Variants in ANKRD66 observed in about 807,000 individuals in gnomAD.
The protein encoded by ANKRD66 is ankyrin repeat domain 66, also known as ankyrin repeat domain-containing protein 66.
A neutral mutation model predicts 10.9 loss-of-function variants in ANKRD66; 10 were observed. That is an observed-to-expected ratio of 0.91 (90% confidence interval 0.56 to 1.55). The LOEUF is 1.55. Ranked by LOEUF, ANKRD66 falls within the 40% of genes most tolerant of loss-of-function variation. The pLI is 0.00. For missense variants in ANKRD66, 252 were observed against 242.9 expected (o/e 1.04, Z -0.25); for synonymous variants, 85 against 88.4 (o/e 0.96, Z 0.22).
At position 46,746,934 on chromosome 6, in the gene ANKRD66, C is replaced by G; in HGVS notation, c.-153C>G. ...CAGTTTCCATGGCATGGACACAACACTCCGGATGGTTAGGACTGCCTGTCA... is the reference window on the plus strand; with the variant it reads ...CAGTTTCCATGGCATGGACACAACAGTCCGGATGGTTAGGACTGCCTGTCA... On this transcript the variant is annotated 5_prime_UTR_variant, in exon 1 of 5. Coordinates refer to ENST00000565422, the MANE Select transcript of ANKRD66 (RefSeq NM_001162435.3). The G allele has an allele frequency of 6.5e-7, 1 of 1,535,540 alleles. No homozygotes were observed. Among genetic ancestry groups the G allele is most frequent in the Non-Finnish European group, 8.7e-7 (1 of 1,146,826 alleles).
intron 3 of ANKRD66, 85 bp from the exon 4 acceptor site, chr6:46,753,637 T>C: frequency 7.6e-7 from 1 of 1,307,260 alleles, no homozygotes. Context: ...CCCCTTCTAT[T>C]GTGTTACCTA....
At chr6:46,748,127 T>C (rs1425736676) in intron 1 of ANKRD66, among the ~76,000 whole-genome samples, 1 of 152,222 alleles carries the variant, frequency 6.6e-6, no homozygotes, top group Non-Finnish European at 1.5e-5. Flanking sequence ...TGTCTCAGCA[T>C]CATTTATTGA....
In ANKRD66 at chr6:46,758,877, C is replaced by G. The variant is rs533747983; in HGVS notation, c.547C>G (p.Arg183Gly). 6.4e-7 allele frequency: 1 copy of G among 1,551,440 alleles called. No homozygotes were observed. The highest frequency in any genetic ancestry group is 1.2e-5 in the South Asian group (1 of 84,030). Residue 183 changes from arginine (R) to glycine (G), a missense_variant, in exon 5 of 5, where the codon CGA (arginine) becomes GGA (glycine). Coordinates refer to ENST00000565422, the MANE Select transcript of ANKRD66 (RefSeq NM_001162435.3). The part of the protein sequence containing the change: ...QNMNKKNKKS[R>G]GPTRPSNTKG... ...CATGAATAAAAAGAATAAGAAAAGT[C>G]GAGGCCCCACCAGGCCCAGCAATAC... is the stretch of plus-strand genomic sequence containing the variant.
At chr6:46,751,492 T>C (rs1407346643) in intron 2 of ANKRD66, among the ~76,000 whole-genome samples, 3 of 151,632 alleles carry the variant, frequency 2.0e-5, no homozygotes, top group African/African-American at 7.3e-5. Context: ...TCCAATATAA[T>C]TTTTTTTTGC....
chr6:46,753,623 G>C, intron 3 of ANKRD66, 99 bp from the exon 4 acceptor site: 1 of 1,217,476 alleles, frequency 8.2e-7, no homozygotes, highest in Non-Finnish European at 1.1e-6. Context: ...CAAAGGCAAA[G>C]TTTCCCCTTC....
At chr6:46,751,203 G>A (rs891467859) in intron 2 of ANKRD66, among the ~76,000 whole-genome samples, 2 of 152,152 alleles carry the variant, frequency 1.3e-5, no homozygotes, top group Non-Finnish European at 2.9e-5. Context: ...GGTACCAGCA[G>A]TTTTCTACAC....
chr6:46,753,862 G>C lies in ANKRD66; in HGVS notation c.304G>C (p.Ala102Pro). 3 of 1,551,706 alleles carry C rather than the reference G, an allele frequency of 1.9e-6. No homozygotes were observed. The highest frequency in any genetic ancestry group is 2.6e-6 in the Non-Finnish European group (3 of 1,146,990). Residue 102 changes from alanine (A) to proline (P), a missense_variant, in exon 4 of 5, where the codon GCC (alanine) becomes CCC (proline). Ala to Pro is a conservative substitution (Grantham distance 27). Coordinates refer to ENST00000565422, the MANE Select transcript of ANKRD66 (RefSeq NM_001162435.3). ...CAAAACTCTCCATGCATTGCACGCT[G>C]CCATCGACGCCCCTGACTTCTTTGG... is the stretch of plus-strand genomic sequence containing the variant. ...ILKTLHALHAAIDAPDFFGDT... is the reference protein window; with the variant it reads ...ILKTLHALHAPIDAPDFFGDT...
chr6:46,750,682 ATG>A (rs1766251150), intron 2 of ANKRD66, among the ~76,000 whole-genome samples: 1 of 148,692 alleles, frequency 6.7e-6, no homozygotes, highest in South Asian at 2.1e-4. Context: ...ACATATACAC[ATG>A]TATATTATAT....
At chr6:46,751,866 A>G in intron 2 of ANKRD66, 71 bp from the exon 3 acceptor site, 3 of 1,333,388 alleles carry the variant, frequency 2.2e-6, no homozygotes, top group African/African-American at 3.1e-5. Context: ...AATGATACAG[A>G]AGTCTATGGG....
intron 2 of ANKRD66, among the ~76,000 whole-genome samples, chr6:46,750,389 A>T (rs934424437): frequency 6.6e-6 from 1 of 152,046 alleles, no homozygotes; most frequent in Non-Finnish European, 1.5e-5. Flanking sequence ...ATTTTATGAA[A>T]ATAAATATAT....
intron 2 of ANKRD66, among the ~76,000 whole-genome samples, chr6:46,751,296 C>A (rs1291945625): frequency 1.3e-5 from 2 of 152,206 alleles, no homozygotes; most frequent in Non-Finnish European, 2.9e-5. Context: ...ACAGCTTTGA[C>A]TTCACAGATC....
chr6:46,749,811 T>G (rs1766229433), intron 1 of ANKRD66, 85 bp from the exon 2 acceptor site: 1 of 1,450,238 alleles, frequency 6.9e-7, no homozygotes, highest in African/African-American at 1.4e-5. Context: ...CTTTCCGGTC[T>G]TTGTGAATGG....
chr6:46,749,579 T>C (rs1766224562), intron 1 of ANKRD66, among the ~76,000 whole-genome samples: 1 of 120,608 alleles, frequency 8.3e-6, no homozygotes, highest in African/African-American at 3.2e-5. Context: ...CTTTTTTCTT[T>C]TCCTCTTGGC....
rs1374603074 is a variant in ANKRD66 at position 46,750,028 on chromosome 6, G to A, written c.-13+49G>A. 5.1e-6 allele frequency: 5 copies of A among 985,620 alleles called. No individual in the cohort carries two copies. In the African/African-American group the frequency reaches 8.1e-5, roughly 16 times the overall value. The allele number at this position is 985,620 out of a possible 1,614,324, so 61.1% of individuals were successfully genotyped here. On this transcript the variant is annotated intron_variant, in intron 2 of 4. Coordinates refer to ENST00000565422, the MANE Select transcript of ANKRD66 (RefSeq NM_001162435.3). ...AATTTGCATTTCTAACAAGTTCCCA[G>A]GGGCTGCTGCTGCTGCTGGTCACAG...
At chr6:46,756,259 A>G (rs1190732072) in intron 4 of ANKRD66, 1 of 218,802 alleles carries the variant, frequency 4.6e-6, no homozygotes, top group South Asian at 5.7e-5. Flanking sequence ...GTTAATTGGA[A>G]GGGTTTGTTA....
intron 2 of ANKRD66, among the ~76,000 whole-genome samples, chr6:46,750,822 T>G (rs1766254384): frequency 6.6e-6 from 1 of 151,772 alleles, no homozygotes; most frequent in African/African-American, 2.4e-5. Flanking sequence ...TGTAGTGTCT[T>G]AAAGATTAGT....
At chr6:46,749,191 A>G (rs939130927) in intron 1 of ANKRD66, among the ~76,000 whole-genome samples, 1 of 152,066 alleles carries the variant, frequency 6.6e-6, no homozygotes, top group African/African-American at 2.4e-5. Flanking sequence ...CACCTACACA[A>G]TGGAGACTCT....
chr6:46,754,615 G>T (rs1766344618), intron 4 of ANKRD66, among the ~76,000 whole-genome samples: 1 of 152,134 alleles, frequency 6.6e-6, no homozygotes, highest in Non-Finnish European at 1.5e-5. Flanking sequence ...GGGCATCGTT[G>T]CTTGGAAACC....
intron 3 of ANKRD66, 146 bp from the exon 4 acceptor site, chr6:46,753,576 G>A: frequency 1.4e-6 from 1 of 728,066 alleles, no homozygotes. Context: ...AGAGGGAAAA[G>A]GGAGGAGGGG....
Sources: allele counts gnomAD v4.1 joint callset (sites outside exome capture counted in the v4.1 genomes callset), GRCh38; gene constraint gnomAD v4.1.1; transcripts MANE v1.5; gene names NCBI Gene and HGNC (gene_info 2026-07-23, HGNC 2026-07-21).